DDX31: variants seen among roughly 807,000 people sequenced by gnomAD.
DDX31 encodes the protein ATP-dependent DNA helicase DDX31.
A neutral mutation model predicts 91.3 loss-of-function variants in DDX31; 70 were observed. That is an observed-to-expected ratio of 0.77 (90% confidence interval 0.63 to 0.94). The LOEUF is 0.94. Among genes scored for constraint, DDX31 ranks in the 40% least tolerant of loss-of-function variants. DDX31 has a pLI of 0.00. For missense variants in DDX31, 902 were observed against 925.0 expected, an observed-to-expected ratio of 0.98 and a Z score of 0.32; for synonymous variants, 362 against 350.6, an observed-to-expected ratio of 1.03 and a Z score of -0.36.
intron 13 of DDX31, among the ~76,000 whole-genome samples, chr9:132,644,602 A>G (rs1833704104): frequency 6.6e-6 from 1 of 152,234 alleles, no homozygotes; most frequent in Non-Finnish European, 1.5e-5. Flanking sequence ...TAATGAAGCT[A>G]TAGACTCTTG....
In DDX31 at chr9:132,648,547, G is replaced by A. The variant is rs147990447; in HGVS notation, c.745C>T (p.Arg249Cys). The change falls in exon 10 of 20, where the codon CGC (arginine) becomes TGC (cysteine). Residue 249 changes from arginine (R) to cysteine (C), a missense_variant. Coordinates refer to ENST00000372159, the MANE Select transcript of DDX31 (RefSeq NM_022779.9). ...GAGATAAGGATATTTATTCCTTTGC[G>A]GAGTCTGTTTAAAATTATATATCAT... is the stretch of plus-strand genomic sequence containing the variant. ...EKRKSEKARLRKGINILISTP... is the reference protein window; with the variant it reads ...EKRKSEKARLCKGINILISTP... 641 of 1,607,624 alleles carry A rather than the reference G, an allele frequency of 4.0e-4. 1 individual carries two copies. The highest frequency in any genetic ancestry group is 5.0e-4 in the Non-Finnish European group (591 of 1,178,002).
chr9:132,609,312 T>C (rs939280873), intron 19 of DDX31, among the ~76,000 whole-genome samples: 3 of 152,168 alleles, frequency 2.0e-5, no homozygotes, highest in African/African-American at 7.2e-5. Flanking sequence ...AATAAAGCCC[T>C]GTTAAATCCC....
intron 16 of DDX31, among the ~76,000 whole-genome samples, chr9:132,627,098 T>A (rs992933048): frequency 1.1e-4 from 17 of 152,024 alleles, no homozygotes; most frequent in African/African-American, 3.9e-4. Flanking sequence ...TATTCATCAC[T>A]TTTTTCTTGA....
At chr9:132,596,322 T>C (rs573539415) in intron 19 of DDX31, among the ~76,000 whole-genome samples, 1 of 152,356 alleles carries the variant, frequency 6.6e-6, no homozygotes, top group Admixed American at 6.5e-5. Flanking sequence ...TACCTGTTTC[T>C]AATCACACTC....
At chr9:132,649,537 A>G (rs1250339500) in intron 9 of DDX31, among the ~76,000 whole-genome samples, 2 of 152,212 alleles carry the variant, frequency 1.3e-5, no homozygotes, top group African/African-American at 4.8e-5. Context: ...GCTCTGTCAG[A>G]TTTCTTAAAT....
intron 4 of DDX31, chr9:132,660,956 A>T: frequency 4.1e-6 from 2 of 490,766 alleles, no homozygotes; most frequent in Non-Finnish European, 7.2e-6. Flanking sequence ...AGCGGCGCTC[A>T]TGCAGCCCAC....
intron 9 of DDX31, 146 bp from the exon 10 acceptor site, chr9:132,648,697 T>C: frequency 1.1e-6 from 1 of 926,258 alleles, no homozygotes; most frequent in Non-Finnish European, 1.5e-6. Context: ...ACATAAAAAC[T>C]GGGTAGAAAG....
intron 18 of DDX31, among the ~76,000 whole-genome samples, chr9:132,614,058 G>A (rs1831497969): frequency 6.6e-6 from 1 of 152,128 alleles, no homozygotes; most frequent in African/African-American, 2.4e-5. Context: ...TCTCCTTGTT[G>A]AGCCACTGGA....
At chr9:132,642,174 C>A in intron 13 of DDX31, 111 bp from the exon 14 acceptor site, 1 of 939,778 alleles carries the variant, frequency 1.1e-6, no homozygotes, top group South Asian at 1.4e-5. Context: ...TATTTTCAGG[C>A]ACAGAGAGGT....
rs758288795 is a variant in DDX31, at chr9:132,650,280, GCA to G, written c.692_693del (p.Val231AlafsTer44). On this transcript the variant is annotated frameshift_variant, in exon 9 of 20. Transcript: ENST00000372159. LOFTEE classifies it high-confidence loss of function. ...QKLLKPFTWI[V>X]PGVLMGGEKR... is the part of the protein sequence containing the mutation. ...TTCTCTCCTCCCATTAACACTCCAG[GCA>G]CAATCCAGGTGAAAGGCTACAGAAA... 3.1e-6 allele frequency: 5 copies of G among 1,613,946 alleles called. No homozygotes were observed. The African/African-American group carries it at 6.7e-5, about 22-fold the overall frequency.
chr9:132,669,789 G>A (rs1590124477), intron 1 of DDX31, 71 bp downstream of exon 1: 1 of 1,520,262 alleles, frequency 6.6e-7, no homozygotes, highest in South Asian at 1.2e-5. Flanking sequence ...TCCAAGGCAC[G>A]GCTGCAGCTC....
chr9:132,618,165 G>A (rs1311184831), intron 18 of DDX31, among the ~76,000 whole-genome samples, 165 bp downstream of exon 18: 2 of 152,184 alleles, frequency 1.3e-5, no homozygotes, highest in East Asian at 1.9e-4. Flanking sequence ...AAAGCCTTCC[G>A]TGCCTGCTTC....
chr9:132,615,737 T>C (rs975110173), intron 18 of DDX31, among the ~76,000 whole-genome samples: 3 of 152,242 alleles, frequency 2.0e-5, no homozygotes, highest in East Asian at 1.9e-4. Context: ...TTCAAACTTA[T>C]GTTACCACTC....
intron 3 of DDX31, 112 bp downstream of exon 3, chr9:132,662,149 G>T: frequency 9.6e-7 from 1 of 1,045,318 alleles, no homozygotes. Context: ...GTAACTTAGA[G>T]CAGAAACAAA....
At chr9:132,626,793 C>T (rs1395404123) in intron 16 of DDX31, among the ~76,000 whole-genome samples, 1 of 152,120 alleles carries the variant, frequency 6.6e-6, no homozygotes, top group African/African-American at 2.4e-5. Flanking sequence ...TGAAATGTGT[C>T]ATCTCCCTGC....
chr9:132,634,559 T>G (rs1321878663), intron 14 of DDX31, among the ~76,000 whole-genome samples: 2 of 149,364 alleles, frequency 1.3e-5, no homozygotes, highest in Non-Finnish European at 3.0e-5. Flanking sequence ...CAGTCCATAT[T>G]CAAATTCTCC....
At chr9:132,639,583 A>G (rs1001560371) in intron 14 of DDX31, among the ~76,000 whole-genome samples, 3 of 152,210 alleles carry the variant, frequency 2.0e-5, no homozygotes, top group African/African-American at 7.2e-5. Context: ...TCAGCCAGAC[A>G]GAACAAGGAA....
intron 13 of DDX31, 41 bp downstream of exon 13, chr9:132,645,854 G>C (rs1289763704): frequency 2.5e-6 from 4 of 1,577,574 alleles, no homozygotes; most frequent in Non-Finnish European, 2.6e-6. Context: ...TCTCCACGTG[G>C]GGCCGCAGTG....
In DDX31 at chr9:132,653,269, G is replaced by A. The variant is rs377281179; in HGVS notation, c.589-777C>T. On this transcript the variant is annotated intron_variant, in intron 6 of 19. Transcript: ENST00000372159. ...AGCACTTTGGGAGGCCAAGACAGGC[G>A]GATCACTTGAGGTCAGGAGTTTGAG... 2.0e-4 allele frequency among the ~76,000 whole-genome samples: 30 copies of A among 151,750 alleles called. 1 individual carries two copies. The South Asian group carries it at 2.7e-3, about 14-fold the overall frequency.
Sources: gnomAD v4.1 joint callset for allele counts (sites outside exome capture counted in the v4.1 genomes callset) on GRCh38, gnomAD v4.1.1 for gene constraint, MANE v1.5 for transcripts, NCBI Gene and HGNC (gene_info 2026-07-23, HGNC 2026-07-21) for gene names.